GALNT18: variants seen among roughly 807,000 people sequenced by gnomAD.
GALNT18 encodes the protein GalNAc-transferase 18.
Under a neutral mutation model 69.5 loss-of-function variants are expected in GALNT18, and 44 were observed. That is an observed-to-expected ratio of 0.63 (90% CI 0.50 to 0.81). The LOEUF is 0.81. GALNT18 is among the 40% of genes least tolerant of loss of function. GALNT18 has a pLI of 0.00. For synonymous variants in GALNT18, 364 were observed against 318.2 expected (o/e 1.14, Z -1.53); for missense variants, 715 against 810.0 (o/e 0.88, Z 1.42).
chr11:11,302,763 G>A (rs935335999), intron 9 of GALNT18, among the ~76,000 whole-genome samples: 4 of 152,236 alleles, frequency 2.6e-5, no homozygotes, highest in East Asian at 1.9e-4. Context: ...CATGGGGAGC[G>A]ACATCGCACT....
rs377295831 is a variant in GALNT18 at position 11,396,607 on chromosome 11, T to C, written c.596-17343A>G. On this transcript the variant is annotated intron_variant, in intron 3 of 10. Coordinates refer to ENST00000227756, the MANE Select transcript of GALNT18 (RefSeq NM_198516.3). The surrounding 1 kb of genome is among the most constrained non-coding windows in gnomAD (Gnocchi z 5.2). ...GATGATCTCATGGCAATTGCAAAGA[T>C]TTGCACGCGGGACTCCAGTCTGGGG... 3.3e-5 allele frequency among the ~76,000 whole-genome samples: 5 copies of C among 152,198 alleles called. No homozygotes were observed. In the South Asian group the frequency reaches 8.3e-4, roughly 25 times the overall value.
intron 10 of GALNT18, among the ~76,000 whole-genome samples, chr11:11,288,503 G>A (rs894103155): frequency 5.9e-5 from 9 of 152,148 alleles, no homozygotes; most frequent in African/African-American, 1.9e-4. Context: ...TCATCATTCG[G>A]TTCCATTGTG....
chr11:11,490,594 G>A (rs903867125), intron 1 of GALNT18, among the ~76,000 whole-genome samples: 4 of 152,184 alleles, frequency 2.6e-5, no homozygotes, highest in Admixed American at 2.0e-4. Context: ...ACTCAGCCCA[G>A]TCCAGGGGCC....
rs1222964275 is a variant in GALNT18 at position 11,601,110 on chromosome 11, G to C, written c.235+20249C>G. On this transcript the variant is annotated intron_variant, in intron 1 of 10. Transcript: ENST00000227756. This position sits in a 1 kb window ranked among gnomAD's most constrained non-coding sequence, Gnocchi z 4.0. ...ACAAATATATAATAGCTACTTTGCT[G>C]TCTTTTTCTGGTAAGTCTCACATCC... Among the ~76,000 whole-genome samples, 12 of 152,112 alleles carry C rather than the reference G, an allele frequency of 7.9e-5. No individual in the cohort carries two copies. Among genetic ancestry groups the C allele is most frequent in the Admixed American group, 7.2e-4 (11 of 15,264 alleles).
intron 2 of GALNT18, among the ~76,000 whole-genome samples, chr11:11,433,849 C>T (rs999134718): frequency 7.9e-5 from 12 of 152,038 alleles, no homozygotes; most frequent in Non-Finnish European, 1.3e-4. Flanking sequence ...GCAGCAATCA[C>T]AGCCCTGTCC....
intron 6 of GALNT18, among the ~76,000 whole-genome samples, chr11:11,362,575 A>C (rs1850668097): frequency 6.6e-6 from 1 of 152,172 alleles, no homozygotes; most frequent in African/African-American, 2.4e-5. Flanking sequence ...CCTTAATCAT[A>C]TGAAAATCTC....
intron 1 of GALNT18, among the ~76,000 whole-genome samples, chr11:11,498,173 A>G (rs1205052078): frequency 1.3e-5 from 2 of 152,216 alleles, no homozygotes. Context: ...GACAGCCATC[A>G]TTGCTAGTAA....
At chr11:11,276,127 T>C (rs1448634709) in intron 10 of GALNT18, among the ~76,000 whole-genome samples, 1 of 152,210 alleles carries the variant, frequency 6.6e-6, no homozygotes, top group African/African-American at 2.4e-5. Flanking sequence ...TTGGGCAGTA[T>C]GGCCATTTTC....
chr11:11,373,964 T>C (rs1003143008), intron 5 of GALNT18, among the ~76,000 whole-genome samples: 12 of 152,238 alleles, frequency 7.9e-5, no homozygotes, highest in African/African-American at 2.6e-4. Context: ...TCTTTGAAAA[T>C]GGAAACTTAT....
rs535041163 is a variant in GALNT18, at chr11:11,496,394, C to T, written c.236-47458G>A. 6.6e-6 allele frequency among the ~76,000 whole-genome samples: 1 copy of T among 152,316 alleles called. No homozygotes were observed. The highest frequency in any genetic ancestry group is 2.4e-5 in the African/African-American group (1 of 41,574). On this transcript the variant is annotated intron_variant, in intron 1 of 10. Coordinates refer to ENST00000227756, the MANE Select transcript of GALNT18 (RefSeq NM_198516.3). The surrounding 1 kb of genome is among the most constrained non-coding windows in gnomAD (Gnocchi z 4.0). ...GGAAGGAGGGTCAGCTCTTGCCTGACTCAGTTGAACCCAACTAGCAGCCCC... is the reference window on the plus strand; with the variant it reads ...GGAAGGAGGGTCAGCTCTTGCCTGATTCAGTTGAACCCAACTAGCAGCCCC...
In GALNT18 at chr11:11,271,259, C is replaced by T. The variant is rs571286425; in HGVS notation, c.1709G>A (p.Arg570His). 2.4e-5 allele frequency: 38 copies of T among 1,614,072 alleles called. No individual in the cohort carries two copies. Among genetic ancestry groups the T allele is most frequent in the East Asian group, 2.2e-4 (10 of 44,876 alleles). Residue 570 changes from arginine to histidine, a missense_variant, in exon 11 of 11, where the codon CGC becomes CAC. By Grantham distance (29) the Arg-to-His change is conservative. Coordinates refer to ENST00000227756, the MANE Select transcript of GALNT18 (RefSeq NM_198516.3). Reference protein sequence around the residue: ...GGPIQNRKSKRCLELQENSDL... With the variant: ...GGPIQNRKSKHCLELQENSDL... ...GCTATTCTCCTGCAGCTCCAGACAG[C>T]GCTTAGACTTGCGGTTCTGGATGGG...
intron 8 of GALNT18, among the ~76,000 whole-genome samples, chr11:11,328,221 A>T (rs1191555587): frequency 6.6e-6 from 1 of 152,176 alleles, no homozygotes; most frequent in Non-Finnish European, 1.5e-5. Flanking sequence ...CTGCTGGAGT[A>T]CCCATGTCCA....
At chr11:11,609,832 G>C (rs1355513286) in intron 1 of GALNT18, among the ~76,000 whole-genome samples, 4 of 152,182 alleles carry the variant, frequency 2.6e-5, no homozygotes, top group Non-Finnish European at 5.9e-5. Context: ...TAAATGGGAA[G>C]TTCCTGGAAG....
chr11:11,455,617 C>T lies in GALNT18; in HGVS notation c.236-6681G>A, dbSNP rs528416715. Among the ~76,000 whole-genome samples the T allele has an allele frequency of 1.1e-4, 16 of 152,280 alleles. 1 individual carries two copies. In the South Asian group the frequency reaches 3.3e-3, roughly 32 times the overall value. On this transcript the variant is annotated intron_variant, in intron 1 of 10. Coordinates refer to ENST00000227756, the MANE Select transcript of GALNT18 (RefSeq NM_198516.3). Reference sequence around the variant, plus strand: ...ACAGATCGGAAACCAAGAAGCCAGACCCAGAGCATCCAGAGCCTCAGCAGG... The same window carrying T: ...ACAGATCGGAAACCAAGAAGCCAGATCCAGAGCATCCAGAGCCTCAGCAGG...
intron 1 of GALNT18, among the ~76,000 whole-genome samples, chr11:11,599,043 T>C (rs1475232977): frequency 1.3e-5 from 2 of 152,134 alleles, no homozygotes; most frequent in African/African-American, 2.4e-5. Flanking sequence ...TTTCCATATA[T>C]GCTTGAAAAA....
chr11:11,338,894 AG>A lies in GALNT18; in HGVS notation c.1278+1924del, dbSNP rs1850156380. Among the ~76,000 whole-genome samples the A allele has an allele frequency of 6.6e-6, 1 of 152,166 alleles. No individual in the cohort carries two copies. Among genetic ancestry groups the A allele is most frequent in the African/African-American group, 2.4e-5 (1 of 41,426 alleles). ...AATAAATGGAGAGAGATAAGATTCCAGGGTGTGGAATCATGGACCCAAGGAG... is the reference window on the plus strand; with the variant it reads ...AATAAATGGAGAGAGATAAGATTCCAGGTGTGGAATCATGGACCCAAGGAG... On this transcript the variant is annotated intron_variant, in intron 7 of 10. Coordinates refer to ENST00000227756, the MANE Select transcript of GALNT18 (RefSeq NM_198516.3). The surrounding 1 kb of genome is among the most constrained non-coding windows in gnomAD (Gnocchi z 5.3).
At chr11:11,515,286 C>G (rs1409005644) in intron 1 of GALNT18, among the ~76,000 whole-genome samples, 1 of 141,686 alleles carries the variant, frequency 7.1e-6, no homozygotes, top group Non-Finnish European at 1.5e-5. Context: ...AACCCAAGAG[C>G]CAGGAATTGA....
rs536459702 is a variant in GALNT18 at position 11,376,793 on chromosome 11, T to C, written c.977+389A>G. 2.6e-5 allele frequency among the ~76,000 whole-genome samples: 4 copies of C among 152,288 alleles called. No homozygotes were observed. In the South Asian group the frequency reaches 8.3e-4, roughly 32 times the overall value. Reference sequence around the variant, plus strand: ...TGAAAATGCTGCCCTCTGAAAAGCATTTCCCCGCTTTCAATGCAGTTTCTG... The same window carrying C: ...TGAAAATGCTGCCCTCTGAAAAGCACTTCCCCGCTTTCAATGCAGTTTCTG... On this transcript the variant is annotated intron_variant, in intron 5 of 10. Transcript: ENST00000227756.
chr11:11,558,367 T>A (rs1395623700), intron 1 of GALNT18, among the ~76,000 whole-genome samples: 2 of 152,068 alleles, frequency 1.3e-5, no homozygotes, highest in South Asian at 4.1e-4. Context: ...AAAAGACAAG[T>A]GAGGAAAAAA....
Sources: gnomAD v4.1 joint callset for allele counts (sites outside exome capture counted in the v4.1 genomes callset) on GRCh38, gnomAD v4.1.1 for gene constraint, Gnocchi (gnomAD v3.1) non-coding constraint, MANE v1.5 for transcripts, NCBI Gene and HGNC (gene_info 2026-07-23, HGNC 2026-07-21) for gene names.